Variants in TSC22D1 observed in about 807,000 individuals in gnomAD.
TSC22D1 encodes TSC22 domain family protein 1.
A neutral mutation model predicts 74.2 loss-of-function variants in TSC22D1; 9 were observed. The ratio of observed to expected loss-of-function variants is 0.12; its 90% confidence interval spans 0.07 to 0.21. The LOEUF (loss-of-function observed/expected upper bound fraction) is 0.21, where lower values mean the gene tolerates loss of function less well. Ranked by LOEUF, TSC22D1 falls within the 10% of genes least tolerant of loss-of-function variation. TSC22D1 has a pLI of 1.00. For synonymous variants in TSC22D1, 586 were observed against 492.5 expected, an observed-to-expected ratio of 1.19 and a Z score of -2.51; for missense variants, 1,427 against 1,304.7, an observed-to-expected ratio of 1.09 and a Z score of -1.44.
chr13:44,505,935 A>G (rs996734602), intron 1 of TSC22D1, among the ~76,000 whole-genome samples: 2 of 152,226 alleles, frequency 1.3e-5, no homozygotes, highest in African/African-American at 2.4e-5. Flanking sequence ...TTAAACATAC[A>G]TTAACTCATT....
intron 1 of TSC22D1, among the ~76,000 whole-genome samples, chr13:44,465,341 AT>A (rs1877214846): frequency 1.3e-5 from 2 of 152,242 alleles, no homozygotes; most frequent in South Asian, 4.1e-4. Context: ...TTCACGTCAT[AT>A]GGCTGAAGCA....
At position 44,535,212 on chromosome 13, in the gene TSC22D1, T is replaced by C. The variant is rs1057497999; in HGVS notation, c.2912+37951A>G. Among the ~76,000 whole-genome samples the C allele has an allele frequency of 2.0e-5, 3 of 151,992 alleles. No individual in the cohort carries two copies. In the East Asian group the frequency reaches 5.8e-4, roughly 29 times the overall value. On this transcript the variant is annotated intron_variant, in intron 1 of 2. Transcript: ENST00000458659. ...AAACATTAAACATATTTTGAATATTTTTCTACCTATGCCATACCTTACCTC... is the reference window on the plus strand; with the variant it reads ...AAACATTAAACATATTTTGAATATTCTTCTACCTATGCCATACCTTACCTC...
At chr13:44,545,645 G>C (rs187825604) in intron 1 of TSC22D1, among the ~76,000 whole-genome samples, 2 of 151,100 alleles carry the variant, frequency 1.3e-5, no homozygotes, top group African/African-American at 2.4e-5. Flanking sequence ...CTTGGGTTGC[G>C]TTACGTTCAT....
chr13:44,573,521 C>T lies in TSC22D1; in HGVS notation c.2554G>A (p.Val852Ile). The change falls in exon 1 of 3, where the codon GTT becomes ATT. Residue 852 changes from valine (V) to isoleucine (I), a missense_variant. Physicochemically the swap from Val to Ile is conservative, Grantham distance 29. Transcript: ENST00000458659. ...GTTTGTGCTATATTTTGTGGTGGAA[C>T]CAAGTTTGTTGGGGCAGAAGGCATT... ...SGMPSAPTNL[V>I]PPQNIAQTPA... The T allele has an allele frequency of 1.2e-6, 2 of 1,614,162 alleles. No homozygotes were observed. The highest frequency in any genetic ancestry group is 2.2e-5 in the South Asian group (2 of 91,082).
intron 2 of TSC22D1, chr13:44,435,780 CA>C: frequency 1.9e-6 from 1 of 518,244 alleles, no homozygotes; most frequent in African/African-American, 2.0e-5. Flanking sequence ...AAATCCCCAG[CA>C]AAAAGGGTCA....
At chr13:44,504,890 C>G (rs1879377934) in intron 1 of TSC22D1, among the ~76,000 whole-genome samples, 1 of 152,118 alleles carries the variant, frequency 6.6e-6, no homozygotes. Context: ...CATACATAAG[C>G]TAAAAATCCC....
intron 1 of TSC22D1, among the ~76,000 whole-genome samples, chr13:44,461,683 T>A (rs12146918): frequency 0.099 from 15,091 of 152,070 alleles, 782 homozygotes; most frequent in Non-Finnish European, 0.11. Context: ...ATAATTACAG[T>A]ATGGTGGGAA....
chr13:44,530,352 C>T (rs544292816), intron 1 of TSC22D1, among the ~76,000 whole-genome samples: 2 of 152,096 alleles, frequency 1.3e-5, no homozygotes, highest in East Asian at 3.9e-4. Flanking sequence ...TGTCCCTCAT[C>T]CCCCCAAAAA....
At chr13:44,572,802 T>C (rs1883860064) in intron 1 of TSC22D1, among the ~76,000 whole-genome samples, 1 of 152,242 alleles carries the variant, frequency 6.6e-6, no homozygotes, top group Admixed American at 6.5e-5. Context: ...CCCCAAGAGA[T>C]TATTTTAGCA....
chr13:44,525,213 T>C (rs970699080), intron 1 of TSC22D1, among the ~76,000 whole-genome samples: 2 of 152,052 alleles, frequency 1.3e-5, no homozygotes, highest in African/African-American at 4.8e-5. Flanking sequence ...TACAGACTAT[T>C]CTCCCCGCTC....
At chr13:44,505,467 T>C (rs949962567) in intron 1 of TSC22D1, among the ~76,000 whole-genome samples, 1 of 152,136 alleles carries the variant, frequency 6.6e-6, no homozygotes, top group African/African-American at 2.4e-5. Context: ...GGTGGGAGGA[T>C]TGCTTGATCC....
chr13:44,554,630 CAAAAAAAAAA>C lies in TSC22D1; in HGVS notation c.2912+18523_2912+18532del, dbSNP rs59922380. Among the ~76,000 whole-genome samples the C allele has an allele frequency of 8.2e-4, 56 of 68,642 alleles. 1 individual carries two copies. Among genetic ancestry groups the C allele is most frequent in the African/African-American group, 1.7e-3 (35 of 21,092 alleles). The allele number at this position is 68,642 out of a possible 152,430, so 45.0% of individuals were successfully genotyped here. On this transcript the variant is annotated intron_variant, in intron 1 of 2. Coordinates refer to ENST00000458659, the MANE Select transcript of TSC22D1 (RefSeq NM_183422.4). ...AAATAAATCATCCCAATACCAGGAA[CAAAAAAAAAA>C]AAAAAAAAAAAAAAGAGGTACTGTT...
chr13:44,458,663 A>G (rs1876813429), intron 1 of TSC22D1, among the ~76,000 whole-genome samples: 1 of 152,010 alleles, frequency 6.6e-6, no homozygotes, highest in Non-Finnish European at 1.5e-5. Context: ...CACTTCCCCC[A>G]CAGGCTTGGA....
At chr13:44,483,467 C>T (rs538736001) in intron 1 of TSC22D1, among the ~76,000 whole-genome samples, 1 of 152,168 alleles carries the variant, frequency 6.6e-6, no homozygotes, top group Admixed American at 6.5e-5. Flanking sequence ...CGAGACCATC[C>T]TGGCTAACAC....
intron 1 of TSC22D1, among the ~76,000 whole-genome samples, chr13:44,562,281 T>C (rs566183075): frequency 6.6e-6 from 1 of 152,184 alleles, no homozygotes; most frequent in East Asian, 1.9e-4. Context: ...ACTCCAGCAA[T>C]CAACCTGCCT....
chr13:44,574,058 T>G lies in TSC22D1; in HGVS notation c.2017A>C (p.Ser673Arg), dbSNP rs897268968. The stretch of plus-strand genomic sequence containing the variant: ...GTTCCTGCTCCTACTCCTGCAGAAC[T>G]GGGCTGTCCGGAGGACATTGCTGTT... ...LQTAMSSGQP[S>R]SAGVGAGTTV... Residue 673 changes from serine to arginine, a missense_variant, in exon 1 of 3, where the codon AGT (serine) becomes CGT (arginine). Transcript: ENST00000458659. 2 of 1,614,232 alleles carry G rather than the reference T, an allele frequency of 1.2e-6. No individual in the cohort carries two copies. Among genetic ancestry groups the G allele is most frequent in the African/African-American group, 2.7e-5 (2 of 75,074 alleles).
intron 1 of TSC22D1, among the ~76,000 whole-genome samples, chr13:44,490,070 G>T (rs193236850): frequency 2.0e-5 from 3 of 152,088 alleles, no homozygotes; most frequent in Non-Finnish European, 4.4e-5. Flanking sequence ...CTAGCCCCCA[G>T]ATGGAAAAAA....
chr13:44,551,389 G>GGTGGGTGTGT (rs1298469090), intron 1 of TSC22D1, among the ~76,000 whole-genome samples: 55 of 125,306 alleles, frequency 4.4e-4, no homozygotes, highest in African/African-American at 1.6e-3. Flanking sequence ...CAATCAGATG[G>GGTGGGTGTGT]GTGTGTGTGT....
At chr13:44,494,546 A>C (rs1325493960) in intron 1 of TSC22D1, among the ~76,000 whole-genome samples, 2 of 151,926 alleles carry the variant, frequency 1.3e-5, no homozygotes, top group Admixed American at 1.3e-4. Context: ...CAACACAGCG[A>C]GACCCCATCT....
Sources: gnomAD v4.1 joint callset for allele counts (sites outside exome capture counted in the v4.1 genomes callset) on GRCh38, gnomAD v4.1.1 for gene constraint, MANE v1.5 for transcripts, NCBI Gene and HGNC (gene_info 2026-07-23, HGNC 2026-07-21) for gene names.